The following MAP2K5 variants were observed in gnomAD, a reference collection of about 807,000 sequenced individuals.
MAP2K5 encodes dual specificity mitogen-activated protein kinase kinase 5.
A neutral mutation model predicts 83.1 loss-of-function variants in MAP2K5; 49 were observed. That is an observed-to-expected ratio of 0.59 (90% CI 0.47 to 0.75). The LOEUF is 0.75. Ranked by LOEUF, MAP2K5 falls within the 30% of genes least tolerant of loss-of-function variation. The probability of loss-of-function intolerance (pLI) is 0.00; values close to 1 mark genes in which losing one functional copy is unlikely to be tolerated. For missense variants in MAP2K5, 457 were observed against 557.5 expected (o/e 0.82, Z 1.82); for synonymous variants, 202 against 191.8 (o/e 1.05, Z -0.44).
At chr15:67,648,546 C>T (rs998153091) in intron 11 of MAP2K5, among the ~76,000 whole-genome samples, 3 of 149,786 alleles carry the variant, frequency 2.0e-5, no homozygotes, top group Non-Finnish European at 4.4e-5. Flanking sequence ...TATTTGTGTA[C>T]AAGTTTTTGT....
At chr15:67,608,066 A>G (rs2085819466) in intron 8 of MAP2K5, among the ~76,000 whole-genome samples, 1 of 152,228 alleles carries the variant, frequency 6.6e-6, no homozygotes, top group Admixed American at 6.5e-5. Context: ...TTTTATTTAT[A>G]AAGACGTTTA....
At chr15:67,594,089 G>A (rs1037369670) in intron 7 of MAP2K5, among the ~76,000 whole-genome samples, 1 of 152,126 alleles carries the variant, frequency 6.6e-6, no homozygotes, top group Non-Finnish European at 1.5e-5. Flanking sequence ...ATCTGCTTCT[G>A]ACATCTGATT....
At position 67,640,852 on chromosome 15, in the gene MAP2K5, A is replaced by G. The variant is rs572170555; in HGVS notation, c.586-5379A>G. ...TTTTGGAAAGAATAATGTACCATGAATTTCTATTTTATACTATTGAATTTA... is the reference window on the plus strand; with the variant it reads ...TTTTGGAAAGAATAATGTACCATGAGTTTCTATTTTATACTATTGAATTTA... On this transcript the variant is annotated intron_variant, in intron 9 of 21. Transcript: ENST00000178640. This position sits in a 1 kb window ranked among gnomAD's most constrained non-coding sequence, Gnocchi z 4.6. Among the ~76,000 whole-genome samples, 1 of 152,324 alleles carries G rather than the reference A, an allele frequency of 6.6e-6. No homozygotes were observed. Among genetic ancestry groups the G allele is most frequent in the Non-Finnish European group, 1.5e-5 (1 of 68,026 alleles).
Position 67,637,910 on chromosome 15 carries a change from A to ATGTGTGTG in MAP2K5, c.585+6986_585+6993dup, listed in dbSNP as rs111468310. On this transcript the variant is annotated intron_variant, in intron 9 of 21. Transcript: ENST00000178640. This position sits in a 1 kb window ranked among gnomAD's most constrained non-coding sequence, Gnocchi z 4.5. Reference sequence around the variant, plus strand: ...ATGTCCAATGTCTGGAAGCCTGTTGATGTGTGTGTGAGTGTGTGTGTATGT... The same window carrying ATGTGTGTG: ...ATGTCCAATGTCTGGAAGCCTGTTGATGTGTGTGTGTGTGTGTGAGTGTGTGTGTATGT... Among the ~76,000 whole-genome samples the ATGTGTGTG allele has an allele frequency of 7.6e-4, 114 of 150,610 alleles. No homozygotes were observed. Among genetic ancestry groups the ATGTGTGTG allele is most frequent in the Middle Eastern group, 3.4e-3 (1 of 292 alleles).
At chr15:67,604,500 A>C (rs2085734886) in intron 8 of MAP2K5, among the ~76,000 whole-genome samples, 1 of 152,208 alleles carries the variant, frequency 6.6e-6, no homozygotes, top group Non-Finnish European at 1.5e-5. Context: ...GAGGGCTCTA[A>C]GTTTGAATCC....
At chr15:67,701,701 G>A (rs74838217) in intron 15 of MAP2K5, among the ~76,000 whole-genome samples, 4,022 of 152,250 alleles carry the variant, frequency 0.026, 63 homozygotes, top group Non-Finnish European at 0.038. Flanking sequence ...TTTTTTAAGT[G>A]AGGATCTCTA....
Position 67,693,579 on chromosome 15 carries a change from T to A in MAP2K5, c.972+11T>A. 1 of 1,604,112 alleles carries A rather than the reference T, an allele frequency of 6.2e-7. No individual in the cohort carries two copies. Among genetic ancestry groups the A allele is most frequent in the Non-Finnish European group, 8.5e-7 (1 of 1,171,926 alleles). ...AATGCTTATATGGCGGTAAGTAAAC[T>A]TATGCAAAAATAATGTTTAAAACCA... On this transcript the variant is annotated intron_variant, in intron 15 of 21. Coordinates refer to ENST00000178640, the MANE Select transcript of MAP2K5 (RefSeq NM_145160.3).
chr15:67,756,664 G>T (rs1043437618), intron 19 of MAP2K5, among the ~76,000 whole-genome samples: 39 of 151,686 alleles, frequency 2.6e-4, no homozygotes, highest in African/African-American at 9.0e-4. Context: ...AAGTAAGTTT[G>T]TCCCCTTTGA....
rs144846295 is a variant in MAP2K5 at position 67,551,065 on chromosome 15, C to A, written c.184+983C>A. On this transcript the variant is annotated intron_variant, in intron 2 of 21. Coordinates refer to ENST00000178640, the MANE Select transcript of MAP2K5 (RefSeq NM_145160.3). Reference sequence around the variant, plus strand: ...GGGATTATAAGTGTGAGCCACTGCACCTGGCCAGAGGGTCACTTCTTAATG... The same window carrying A: ...GGGATTATAAGTGTGAGCCACTGCAACTGGCCAGAGGGTCACTTCTTAATG... 4.3e-3 allele frequency among the ~76,000 whole-genome samples: 652 copies of A among 152,256 alleles called. 3 individuals are homozygous for A. Among genetic ancestry groups the A allele is most frequent in the African/African-American group, 0.015 (627 of 41,550 alleles).
At position 67,573,738 on chromosome 15, in the gene MAP2K5, C is replaced by G. The variant is rs941538810; in HGVS notation, c.253-7016C>G. Among the ~76,000 whole-genome samples the G allele has an allele frequency of 6.6e-6, 1 of 152,110 alleles. No homozygotes were observed. Among genetic ancestry groups the G allele is most frequent in the Non-Finnish European group, 1.5e-5 (1 of 68,024 alleles). ...AGGACTTAACAGACCAAGGAAATGT[C>G]CTGATGTCCTGATATCTTAAGAACA... On this transcript the variant is annotated intron_variant, in intron 3 of 21. Transcript: ENST00000178640. This position sits in a 1 kb window ranked among gnomAD's most constrained non-coding sequence, Gnocchi z 4.2.
At position 67,569,009 on chromosome 15, in the gene MAP2K5, AAAAAAAAAAAC is replaced by A. The variant is rs1229970158; in HGVS notation, c.252+5670_252+5680del. Among the ~76,000 whole-genome samples the A allele has an allele frequency of 6.6e-5, 10 of 151,378 alleles. No homozygotes were observed. The East Asian group carries it at 1.9e-3, about 29-fold the overall frequency. ...CGACAGAGCAAGACTCCATCTCAAA[AAAAAAAAAAAC>A]AAAAAAAAAAAACAAAACTCTGTGG... is the stretch of plus-strand genomic sequence containing the variant. On this transcript the variant is annotated intron_variant, in intron 3 of 21. Coordinates refer to ENST00000178640, the MANE Select transcript of MAP2K5 (RefSeq NM_145160.3).
chr15:67,661,801 C>T (rs922533782), intron 12 of MAP2K5, among the ~76,000 whole-genome samples: 19 of 152,180 alleles, frequency 1.2e-4, no homozygotes, highest in Middle Eastern at 3.4e-3. Context: ...AGCTAAGCTT[C>T]TAAGTTGAAA....
intron 1 of MAP2K5, chr15:67,549,331 G>T: frequency 1.2e-6 from 1 of 810,524 alleles, no homozygotes; most frequent in Non-Finnish European, 2.0e-6. Flanking sequence ...TTTTGTTGTA[G>T]GCTAGATTAA....
rs150991513 is a variant in MAP2K5, at chr15:67,624,397, C to T, written c.546-6491C>T. ...CTGGGATTTGAGCTGGCAGTGACTTCAGAGCCTGTCCCATTTGCTCTTCTG... is the reference window on the plus strand; with the variant it reads ...CTGGGATTTGAGCTGGCAGTGACTTTAGAGCCTGTCCCATTTGCTCTTCTG... On this transcript the variant is annotated intron_variant, in intron 8 of 21. Coordinates refer to ENST00000178640, the MANE Select transcript of MAP2K5 (RefSeq NM_145160.3). Among the ~76,000 whole-genome samples, 17 of 149,752 alleles carry T rather than the reference C, an allele frequency of 1.1e-4. No individual in the cohort carries two copies. The East Asian group carries it at 3.2e-3, about 28-fold the overall frequency.
At position 67,783,553 on chromosome 15, in the gene MAP2K5, C is replaced by T. The variant is rs2090365819; in HGVS notation, c.1242+10801C>T. On this transcript the variant is annotated intron_variant, in intron 21 of 21. Coordinates refer to ENST00000178640, the MANE Select transcript of MAP2K5 (RefSeq NM_145160.3). This position sits in a 1 kb window ranked among gnomAD's most constrained non-coding sequence, Gnocchi z 5.1. ...TTCCTTTTGCCTGTCACCCTTCACC[C>T]TGGCTAATACTTCTGTTAGTGCACT... 2.0e-5 allele frequency among the ~76,000 whole-genome samples: 3 copies of T among 152,194 alleles called. No homozygotes were observed. The highest frequency in any genetic ancestry group is 7.2e-5 in the African/African-American group (3 of 41,446).
chr15:67,543,444 C>T lies in MAP2K5; in HGVS notation c.109C>T (p.Pro37Ser). 2 of 1,614,180 alleles carry T rather than the reference C, an allele frequency of 1.2e-6. No individual in the cohort carries two copies. Among genetic ancestry groups the T allele is most frequent in the Non-Finnish European group, 1.7e-6 (2 of 1,180,036 alleles). ...GGTGGACTGGACAGTGCACTCCGGG[C>T]CGCAGTTACTCTTCAGGGATGTGCT... ...GAVDWTVHSG[P>S]QLLFRDVLDV... Residue 37 changes from proline to serine, a missense_variant, in exon 1 of 22, where the codon CCG becomes TCG. Coordinates refer to ENST00000178640, the MANE Select transcript of MAP2K5 (RefSeq NM_145160.3). The surrounding 1 kb of genome is among the most constrained non-coding windows in gnomAD (Gnocchi z 4.3).
At chr15:67,554,173 C>G (rs2084575965) in intron 2 of MAP2K5, among the ~76,000 whole-genome samples, 1 of 152,120 alleles carries the variant, frequency 6.6e-6, no homozygotes, top group African/African-American at 2.4e-5. Flanking sequence ...AATCCTCCCA[C>G]CTCAGCCTCC....
chr15:67,623,295 T>C (rs917809214), intron 8 of MAP2K5, among the ~76,000 whole-genome samples: 1 of 152,212 alleles, frequency 6.6e-6, no homozygotes, highest in Admixed American at 6.5e-5. Context: ...CTTATAGTAG[T>C]GGGCAAGAGA....
intron 8 of MAP2K5, among the ~76,000 whole-genome samples, chr15:67,613,301 T>C (rs1488435987): frequency 2.0e-5 from 3 of 152,222 alleles, no homozygotes; most frequent in Non-Finnish European, 4.4e-5. Context: ...TCAATAGCTA[T>C]TCCTAAGACA....
Sources: allele counts gnomAD v4.1 joint callset (sites outside exome capture counted in the v4.1 genomes callset), GRCh38; gene constraint gnomAD v4.1.1; non-coding constraint Gnocchi (gnomAD v3.1); transcripts MANE v1.5; gene names NCBI Gene and HGNC (gene_info 2026-07-23, HGNC 2026-07-21).